SKAP1: variants seen among roughly 807,000 people sequenced by gnomAD.
SKAP1 encodes the protein src kinase-associated phosphoprotein 1.
SKAP1 carries 44 observed loss-of-function variants against 58.5 expected under a neutral mutation model. The observed-to-expected ratio is 0.75, with a 90% CI of 0.59 to 0.97. The LOEUF (loss-of-function observed/expected upper bound fraction) is 0.97, where lower values mean the gene tolerates loss of function less well. Among genes scored for constraint, SKAP1 ranks in the 50% least tolerant of loss-of-function variants. SKAP1 has a pLI of 0.00. For synonymous variants in SKAP1, 127 were observed against 149.7 expected (o/e 0.85, Z 1.11); for missense variants, 390 against 435.2 (o/e 0.90, Z 0.92).
chr17:48,168,075 TA>T (rs1441729395), intron 10 of SKAP1, among the ~76,000 whole-genome samples: 1 of 152,148 alleles, frequency 6.6e-6, no homozygotes, highest in Admixed American at 6.5e-5. Flanking sequence ...ATTTTCTAGG[TA>T]ACAGAATGAA....
chr17:48,151,628 G>T, intron 11 of SKAP1, among the ~76,000 whole-genome samples: 1 of 152,174 alleles, frequency 6.6e-6, no homozygotes, highest in Non-Finnish European at 1.5e-5. Context: ...ACAATTATTC[G>T]GATGGGCTAC....
intron 4 of SKAP1, among the ~76,000 whole-genome samples, chr17:48,321,807 T>C (rs2066371442): frequency 6.6e-6 from 1 of 152,228 alleles, no homozygotes; most frequent in Non-Finnish European, 1.5e-5. Flanking sequence ...TTCTCTCTAA[T>C]CACCCTTTCC....
chr17:48,313,190 C>A (rs1052532054), intron 4 of SKAP1, among the ~76,000 whole-genome samples: 3 of 152,028 alleles, frequency 2.0e-5, no homozygotes, highest in African/African-American at 7.3e-5. Flanking sequence ...GGAACCGAAC[C>A]TTGAACTTAA....
intron 4 of SKAP1, among the ~76,000 whole-genome samples, chr17:48,208,971 T>C (rs1007664993): frequency 6.6e-6 from 1 of 152,202 alleles, no homozygotes; most frequent in African/African-American, 2.4e-5. Flanking sequence ...ACAAAATCTA[T>C]GGATGCTTAC....
chr17:48,250,756 T>G (rs970539116), intron 4 of SKAP1, among the ~76,000 whole-genome samples: 1 of 152,170 alleles, frequency 6.6e-6, no homozygotes, highest in African/African-American at 2.4e-5. Flanking sequence ...GAATTATAGC[T>G]CCATTTCTGA....
At chr17:48,211,181 C>T (rs1278899616) in intron 4 of SKAP1, among the ~76,000 whole-genome samples, 3 of 152,098 alleles carry the variant, frequency 2.0e-5, no homozygotes, top group South Asian at 2.1e-4. Context: ...GTGGCTCATG[C>T]TTGTAATCCC....
chr17:48,434,119 A>G (rs866276737), upstream of SKAP1, among the ~76,000 whole-genome samples: 4 of 152,326 alleles, frequency 2.6e-5, no homozygotes, highest in South Asian at 6.2e-4. Flanking sequence ...CGTCTGCCCT[A>G]TGGATGTGCA....
At chr17:48,187,612 T>G (rs140261306) in intron 6 of SKAP1, among the ~76,000 whole-genome samples, 3 of 152,346 alleles carry the variant, frequency 2.0e-5, no homozygotes, top group Non-Finnish European at 4.4e-5. Flanking sequence ...AAGATAACCA[T>G]TTGATGTGCT....
At chr17:48,268,783 T>C (rs529848997) in intron 4 of SKAP1, among the ~76,000 whole-genome samples, 57 of 152,258 alleles carry the variant, frequency 3.7e-4, no homozygotes, top group African/African-American at 1.3e-3. Context: ...TGAGCCACTG[T>C]GCCCGGCCTC....
chr17:48,338,088 CCTTT>C (rs1341601585), intron 4 of SKAP1, among the ~76,000 whole-genome samples: 51 of 151,022 alleles, frequency 3.4e-4, no homozygotes, highest in East Asian at 1.4e-3. Context: ...TTTCTTCCTT[CCTTT>C]CTTTCTTTTT....
intron 2 of SKAP1, among the ~76,000 whole-genome samples, chr17:48,376,802 T>C (rs1445223799): frequency 1.3e-5 from 2 of 152,170 alleles, no homozygotes; most frequent in African/African-American, 4.8e-5. Flanking sequence ...AGTGATGTAA[T>C]TGGCCCAGAA....
At chr17:48,242,787 G>C (rs1315978222) in intron 4 of SKAP1, among the ~76,000 whole-genome samples, 1 of 152,178 alleles carries the variant, frequency 6.6e-6, no homozygotes, top group African/African-American at 2.4e-5. Flanking sequence ...TTAGAATACT[G>C]TAAGTGTGAT....
intron 4 of SKAP1, among the ~76,000 whole-genome samples, chr17:48,284,573 CA>C (rs1031960319): frequency 4.0e-5 from 6 of 151,638 alleles, no homozygotes; most frequent in African/African-American, 1.2e-4. Context: ...AAACAGCTTC[CA>C]AAAAGCACAG....
intron 1 of SKAP1, among the ~76,000 whole-genome samples, chr17:48,410,934 C>CAAAAAAAAAAA (rs61705374): frequency 3.4e-4 from 23 of 66,952 alleles, no homozygotes; most frequent in African/African-American, 4.9e-4. Flanking sequence ...GACTCCATTT[C>CAAAAAAAAAAA]AAAAAAAAAA....
intron 3 of SKAP1, among the ~76,000 whole-genome samples, chr17:48,347,034 C>T (rs1345391353): frequency 5.9e-5 from 9 of 152,208 alleles, no homozygotes; most frequent in African/African-American, 2.2e-4. Flanking sequence ...TTTCAATATA[C>T]ATTGGATTGT....
At chr17:48,243,890 A>C (rs1174749007) in intron 4 of SKAP1, among the ~76,000 whole-genome samples, 1 of 152,224 alleles carries the variant, frequency 6.6e-6, no homozygotes, top group Admixed American at 6.5e-5. Context: ...TTACATGTAC[A>C]TAGATTTTGA....
chr17:48,159,465 C>G (rs971267317), intron 11 of SKAP1, among the ~76,000 whole-genome samples: 3 of 152,202 alleles, frequency 2.0e-5, no homozygotes, highest in Non-Finnish European at 4.4e-5. Context: ...AGAGCTTCTA[C>G]TGGACAAAAA....
At chr17:48,421,553 C>G (rs2067793937) in intron 1 of SKAP1, among the ~76,000 whole-genome samples, 2 of 152,240 alleles carry the variant, frequency 1.3e-5, no homozygotes, top group African/African-American at 4.8e-5. Context: ...GATCTACCCA[C>G]CTTGGCCTCC....
At chr17:48,134,101 C>T (rs2063670768) in intron 12 of SKAP1, among the ~76,000 whole-genome samples, 1 of 152,104 alleles carries the variant, frequency 6.6e-6, no homozygotes, top group Admixed American at 6.5e-5. Context: ...AGAATGTATT[C>T]CACACAGTTT....
Sources: allele counts gnomAD v4.1 joint callset (sites outside exome capture counted in the v4.1 genomes callset), GRCh38; gene constraint gnomAD v4.1.1; transcripts MANE v1.5; gene names NCBI Gene and HGNC (gene_info 2026-07-23, HGNC 2026-07-21).